The following CCL23 variants were observed in gnomAD, a reference collection of about 807,000 sequenced individuals.
CCL23 encodes the protein C-C motif chemokine 23.
CCL23 carries 10 observed loss-of-function variants against 11.8 expected under a neutral mutation model. The ratio of observed to expected loss-of-function variants is 0.84; its 90% CI spans 0.52 to 1.43. The LOEUF is 1.43. Ranked by LOEUF, CCL23 falls within the 40% of genes most tolerant of loss-of-function variation. The pLI is 0.00. For missense variants in CCL23, 181 were observed against 170.9 expected, an observed-to-expected ratio of 1.06 and a Z score of -0.33; for synonymous variants, 60 against 61.0, an observed-to-expected ratio of 0.98 and a Z score of 0.07.
In CCL23 at chr17:36,017,854, G is replaced by A; in HGVS notation, c.44C>T (p.Thr15Ile). 4 of 1,614,182 alleles carry A rather than the reference G, an allele frequency of 2.5e-6. No individual in the cohort carries two copies. The highest frequency in any genetic ancestry group is 3.4e-6 in the Non-Finnish European group (4 of 1,180,028). ...GACCCGGGCCTGGGATCCAAGGGCA[G>A]TAACAAGCATGAGGCAGGAGAGGGC... ...VAALSCLMLV[T>I]ALGSQARVTK... The change falls in exon 1 of 4, where the codon ACT (threonine) becomes ATT (isoleucine). Residue 15 changes from threonine (T) to isoleucine (I), a missense_variant. Coordinates refer to ENST00000615050, the MANE Select transcript of CCL23 (RefSeq NM_005064.6).
chr17:36,015,951 G>A (rs1264987141), intron 1 of CCL23, among the ~76,000 whole-genome samples: 1 of 151,970 alleles, frequency 6.6e-6, no homozygotes, highest in Non-Finnish European at 1.5e-5. Flanking sequence ...GGCTGAGGCA[G>A]GAGAATCGTT....
chr17:36,014,168 C>T (rs1329745057), intron 2 of CCL23, among the ~76,000 whole-genome samples, 166 bp downstream of exon 2: 1 of 151,102 alleles, frequency 6.6e-6, no homozygotes, highest in Non-Finnish European at 1.5e-5. Flanking sequence ...GAGAAGGCAT[C>T]TATGGAGGGG....
At chr17:36,014,144 G>T (rs927255301) in intron 2 of CCL23, among the ~76,000 whole-genome samples, 190 bp downstream of exon 2, 2 of 152,146 alleles carry the variant, frequency 1.3e-5, no homozygotes, top group African/African-American at 4.8e-5. Flanking sequence ...TCTTGGGGCA[G>T]CCAGAGGGGA....
rs868267362 is a variant in CCL23, at chr17:36,016,767, T to C, written c.76+1055A>G. ...TTTAATAAGGATATTAAATATACTT[T>C]TAATATAATTTAATGACTATGCATT... On this transcript the variant is annotated intron_variant, in intron 1 of 3. Transcript: ENST00000615050. 7.4e-5 allele frequency among the ~76,000 whole-genome samples: 11 copies of C among 149,652 alleles called. No individual in the cohort carries two copies. The South Asian group carries it at 8.3e-4, about 11-fold the overall frequency.
At chr17:36,015,475 A>G (rs565937919) in intron 1 of CCL23, among the ~76,000 whole-genome samples, 1 of 152,296 alleles carries the variant, frequency 6.6e-6, no homozygotes, top group Non-Finnish European at 1.5e-5. Context: ...GGGTGTATAA[A>G]AATCAATTCA....
chr17:36,016,208 C>T (rs777867695), intron 1 of CCL23, among the ~76,000 whole-genome samples: 3 of 151,736 alleles, frequency 2.0e-5, no homozygotes, highest in Non-Finnish European at 2.9e-5. Context: ...CTGTGCTGAA[C>T]GCGCAGGTTC....
intron 2 of CCL23, among the ~76,000 whole-genome samples, 172 bp downstream of exon 2, chr17:36,014,162 A>C (rs2142024709): frequency 6.6e-6 from 1 of 152,274 alleles, no homozygotes; most frequent in African/African-American, 2.4e-5. Context: ...GGAACAGAGA[A>C]GGCATCTATG....
chr17:36,015,370 A>G (rs550335581), intron 1 of CCL23, among the ~76,000 whole-genome samples: 29 of 152,346 alleles, frequency 1.9e-4, no homozygotes, highest in African/African-American at 6.7e-4. Context: ...CATTGTATGT[A>G]TGAACCACAC....
At position 36,016,240 on chromosome 17, in the gene CCL23, C is replaced by T. The variant is rs537697328; in HGVS notation, c.76+1582G>A. Among the ~76,000 whole-genome samples, 3 of 151,966 alleles carry T rather than the reference C, an allele frequency of 2.0e-5. No individual in the cohort carries two copies. The South Asian group carries it at 6.2e-4, about 32-fold the overall frequency. On this transcript the variant is annotated intron_variant, in intron 1 of 3. Transcript: ENST00000615050. ...GTTCATTACATAGGTATACATGTGC[C>T]ATGGTGGTTTGCTGTACCTATCAAC...
At chr17:36,017,771 G>T in intron 1 of CCL23, 51 bp downstream of exon 1, 1 of 1,552,290 alleles carries the variant, frequency 6.4e-7, no homozygotes, top group Non-Finnish European at 8.9e-7. Context: ...CTGCCACAGA[G>T]CTTGAGTTAC....
chr17:36,016,764 C>T (rs894445244), intron 1 of CCL23, among the ~76,000 whole-genome samples: 2 of 149,056 alleles, frequency 1.3e-5, no homozygotes, highest in Admixed American at 6.7e-5. Flanking sequence ...ATTAAATATA[C>T]TTTTAATATA....
rs2090068974 is a variant in CCL23 at position 36,013,119 on chromosome 17, T to C, written c.*78A>G. 2.4e-6 allele frequency: 2 copies of C among 823,156 alleles called. No individual in the cohort carries two copies. Among genetic ancestry groups the C allele is most frequent in the African/African-American group, 3.3e-5 (2 of 60,480 alleles). The allele number at this position is 823,156 out of a possible 1,614,324, so 51.0% of individuals were successfully genotyped here. A position where few individuals can be genotyped will look rare whatever the true frequency, so the allele number is the denominator to read the frequency against. On this transcript the variant is annotated 3_prime_UTR_variant, in exon 4 of 4. Transcript: ENST00000615050. The stretch of plus-strand genomic sequence containing the variant: ...TCCAGAACACAAGAATAAATGCTTC[T>C]TAAAAAAATAATTCAGGAAGGTAGT...
intron 1 of CCL23, among the ~76,000 whole-genome samples, chr17:36,014,702 GTC>G (rs1453521507): frequency 6.6e-6 from 1 of 152,196 alleles, no homozygotes; most frequent in Admixed American, 6.5e-5. Flanking sequence ...CAGTCTACAA[GTC>G]TCTCTACACA....
chr17:36,016,462 T>G (rs2090098538), intron 1 of CCL23, among the ~76,000 whole-genome samples: 1 of 152,188 alleles, frequency 6.6e-6, no homozygotes, highest in African/African-American at 2.4e-5. Context: ...CTGAGGATGA[T>G]GGTTTCCGGC....
Position 36,017,869 on chromosome 17 carries a change from C to T in CCL23, c.29G>A (p.Cys10Tyr). 6.2e-7 allele frequency: 1 copy of T among 1,613,992 alleles called. No individual in the cohort carries two copies. The highest frequency in any genetic ancestry group is 2.2e-5 in the East Asian group (1 of 44,872). Reference protein sequence around the residue: MKVSVAALSCLMLVTALGSQ... With the variant: MKVSVAALSYLMLVTALGSQ... ...TCCAAGGGCAGTAACAAGCATGAGG[C>T]AGGAGAGGGCAGCCACGGAGACCTT... The change falls in exon 1 of 4, where the codon TGC becomes TAC. Residue 10 changes from cysteine to tyrosine, a missense_variant. Coordinates refer to ENST00000615050, the MANE Select transcript of CCL23 (RefSeq NM_005064.6).
At chr17:36,016,185 AG>A (rs1330840382) in intron 1 of CCL23, among the ~76,000 whole-genome samples, 2 of 151,970 alleles carry the variant, frequency 1.3e-5, no homozygotes, top group African/African-American at 4.8e-5. Context: ...TTTGACTTTA[AG>A]TTCTGGTATA....
At position 36,013,745 on chromosome 17, in the gene CCL23, T is replaced by C. The variant is rs778736599; in HGVS notation, c.301A>G (p.Ile101Val). The change falls in exon 3 of 4, where the codon ATC becomes GTC. Residue 101 changes from isoleucine (I) to valine (V), a missense_variant and splice_region_variant. Transcript: ENST00000615050. ...ATGTTTGGTGAGCTTGGCACCTACA[T>C]GACACCCGGCTTGGAGCACTCGCTG... ...TNSECSKPGVIFLTKKGRRFC... is the reference protein window; with the variant it reads ...TNSECSKPGVVFLTKKGRRFC... 6.2e-7 allele frequency: 1 copy of C among 1,614,124 alleles called. No individual in the cohort carries two copies.
At position 36,017,902 on chromosome 17, in the gene CCL23, C is replaced by A. The variant is rs1182329513; in HGVS notation, c.-5G>T. The stretch of plus-strand genomic sequence containing the variant: ...GGCAGCCACGGAGACCTTCATCCTC[C>A]TGGTGGGCAGGCAGGGCTGGCCGAG... On this transcript the variant is annotated 5_prime_UTR_variant, in exon 1 of 4. In the 5' UTR this introduces an upstream ATG that the reference lacks. Coordinates refer to ENST00000615050, the MANE Select transcript of CCL23 (RefSeq NM_005064.6). 2 of 1,613,552 alleles carry A rather than the reference C, an allele frequency of 1.2e-6. No individual in the cohort carries two copies. The highest frequency in any genetic ancestry group is 1.7e-6 in the Non-Finnish European group (2 of 1,179,994).
Position 36,013,280 on chromosome 17 carries a change from A to C in CCL23, c.331T>G (p.Cys111Gly). The change falls in exon 4 of 4, where the codon TGT becomes GGT. Residue 111 changes from cysteine (C) to glycine (G), a missense_variant. Coordinates refer to ENST00000615050, the MANE Select transcript of CCL23 (RefSeq NM_005064.6). ...IFLTKKGRRF[C>G]ANPSDKQVQV... ...ACTTGCTTATCACTGGGGTTGGCAC[A>C]GAAACGTCGCCCCTTCTTGGTGAGG... 1 of 1,613,816 alleles carries C rather than the reference A, an allele frequency of 6.2e-7. No individual in the cohort carries two copies.
Sources: gnomAD v4.1 joint callset for allele counts (sites outside exome capture counted in the v4.1 genomes callset) on GRCh38, gnomAD v4.1.1 for gene constraint, MANE v1.5 for transcripts, NCBI Gene and HGNC (gene_info 2026-07-23, HGNC 2026-07-21) for gene names.